Variants in PLEKHA7 observed in about 807,000 individuals in gnomAD.
PLEKHA7 encodes the protein pleckstrin homology domain-containing family A member 7.
In PLEKHA7, 104 loss-of-function variants were observed where a neutral mutation model predicts 170.0. The observed-to-expected ratio is 0.61, with a 90% CI of 0.52 to 0.72. PLEKHA7 has a LOEUF of 0.72. PLEKHA7 is among the 30% of genes least tolerant of loss of function. The pLI, the probability that PLEKHA7 is intolerant of heterozygous loss-of-function variation, is 0.00. For missense variants in PLEKHA7, 1,615 were observed against 1,671.7 expected, an observed-to-expected ratio of 0.97 and a Z score of 0.59; for synonymous variants, 648 against 660.8, an observed-to-expected ratio of 0.98 and a Z score of 0.30.
chr11:16,861,677 A>T lies in PLEKHA7; in HGVS notation c.306-5763T>A, dbSNP rs1853965165. ...ATTAAATAAATAAGTCATCAACACTATGATGGGAGGTTAGAAAGCTATAAG... is the reference window on the plus strand; with the variant it reads ...ATTAAATAAATAAGTCATCAACACTTTGATGGGAGGTTAGAAAGCTATAAG... On this transcript the variant is annotated intron_variant, in intron 4 of 26. Transcript: ENST00000531066. 2.6e-5 allele frequency among the ~76,000 whole-genome samples: 4 copies of T among 152,114 alleles called. No homozygotes were observed. In the South Asian group the frequency reaches 8.3e-4, roughly 32 times the overall value.
intron 3 of PLEKHA7, among the ~76,000 whole-genome samples, chr11:16,985,629 C>T (rs1863681627): frequency 6.6e-6 from 1 of 152,250 alleles, no homozygotes; most frequent in Admixed American, 6.5e-5. Flanking sequence ...TCCGCATTAA[C>T]ATTTTAAGTT....
chr11:16,958,239 C>A (rs183949671), intron 3 of PLEKHA7, among the ~76,000 whole-genome samples: 1 of 152,094 alleles, frequency 6.6e-6, no homozygotes, highest in Admixed American at 6.5e-5. Flanking sequence ...ATCAATTGAG[C>A]CCGGAATGCT....
intron 3 of PLEKHA7, among the ~76,000 whole-genome samples, chr11:16,960,179 G>A (rs1392334638): frequency 2.6e-5 from 4 of 152,102 alleles, no homozygotes; most frequent in East Asian, 1.9e-4. Flanking sequence ...ACTCCCGGAC[G>A]CTGACCCTGT....
At position 16,817,968 on chromosome 11, in the gene PLEKHA7, A is replaced by T. The variant is rs555144699; in HGVS notation, c.1344-646T>A. ...CAGCTCGCTAGCAGCTGACCTCAAC[A>T]CCCACCTTGCAGGCCTGCTGTTTTC... On this transcript the variant is annotated intron_variant, in intron 10 of 26. Coordinates refer to ENST00000531066, the MANE Select transcript of PLEKHA7 (RefSeq NM_001329630.2). This position sits in a 1 kb window ranked among gnomAD's most constrained non-coding sequence, Gnocchi z 4.4. Among the ~76,000 whole-genome samples the T allele has an allele frequency of 6.6e-6, 1 of 151,858 alleles. No homozygotes were observed. The highest frequency in any genetic ancestry group is 2.4e-5 in the African/African-American group (1 of 41,378).
chr11:16,982,324 C>T (rs1483757829), intron 3 of PLEKHA7, among the ~76,000 whole-genome samples: 1 of 152,248 alleles, frequency 6.6e-6, no homozygotes, highest in Non-Finnish European at 1.5e-5. Context: ...TGTCCAGCCA[C>T]CTCTGGGACA....
chr11:16,806,154 A>G (rs172619), intron 13 of PLEKHA7, among the ~76,000 whole-genome samples: 41,566 of 152,202 alleles, frequency 0.27, 5,906 homozygotes, highest in Non-Finnish European at 0.32. Flanking sequence ...TCATGAATGT[A>G]TCAAAGTAAT....
At chr11:16,925,747 T>C (rs1174869278) in intron 3 of PLEKHA7, among the ~76,000 whole-genome samples, 1 of 152,196 alleles carries the variant, frequency 6.6e-6, no homozygotes, top group East Asian at 1.9e-4. Context: ...CCACACCCAC[T>C]TGACATCAGC....
At chr11:16,837,079 C>T (rs1196379641) in intron 9 of PLEKHA7, among the ~76,000 whole-genome samples, 2 of 152,140 alleles carry the variant, frequency 1.3e-5, no homozygotes, top group Non-Finnish European at 2.9e-5. Flanking sequence ...CTGCTTCGGC[C>T]TCCCAAAGTG....
rs377348964 is a variant in PLEKHA7, at chr11:16,803,224, C to T, written c.2076+3G>A. 3.7e-6 allele frequency: 6 copies of T among 1,613,092 alleles called. No homozygotes were observed. The African/African-American group carries it at 6.7e-5, about 18-fold the overall frequency. On this transcript the variant is annotated splice_donor_region_variant and intron_variant, in intron 14 of 26. Coordinates refer to ENST00000531066, the MANE Select transcript of PLEKHA7 (RefSeq NM_001329630.2). ...GGGTCAGCGTGTCACTCTGCTCACTCACGTCAGTGTCGCTCTCAGCGATCT... is the reference window on the plus strand; with the variant it reads ...GGGTCAGCGTGTCACTCTGCTCACTTACGTCAGTGTCGCTCTCAGCGATCT...
intron 3 of PLEKHA7, among the ~76,000 whole-genome samples, chr11:16,906,224 T>TAGGAAGGAAGGAAGGAACGA (rs1857655023): frequency 3.4e-5 from 4 of 116,310 alleles, no homozygotes; most frequent in African/African-American, 1.1e-4. Context: ...TAAAATGAGG[T>TAGGAAGGAAGGAAGGAACGA]AGGAAGGAAG....
intron 3 of PLEKHA7, among the ~76,000 whole-genome samples, chr11:16,944,973 T>C (rs531599653): frequency 6.6e-6 from 1 of 152,180 alleles, no homozygotes; most frequent in African/African-American, 2.4e-5. Flanking sequence ...TTTTTCCCCC[T>C]TCACCCAGGC....
chr11:16,979,423 C>T (rs1565175316), intron 3 of PLEKHA7, among the ~76,000 whole-genome samples: 2 of 151,594 alleles, frequency 1.3e-5, no homozygotes, highest in Admixed American at 6.6e-5. Context: ...CAGGGTAAGA[C>T]ATTCCCATTT....
chr11:16,892,895 G>A (rs971995954), intron 3 of PLEKHA7, among the ~76,000 whole-genome samples: 1 of 152,132 alleles, frequency 6.6e-6, no homozygotes, highest in Non-Finnish European at 1.5e-5. Flanking sequence ...ACGCCAGCAC[G>A]TTCATTATCT....
chr11:16,885,712 G>A (rs745997619), intron 3 of PLEKHA7, among the ~76,000 whole-genome samples: 83 of 149,856 alleles, frequency 5.5e-4, no homozygotes, highest in Non-Finnish European at 8.4e-4. Context: ...GGTAAACCCC[G>A]GCCAGGCACA....
intron 3 of PLEKHA7, among the ~76,000 whole-genome samples, chr11:16,985,039 T>C (rs1297644124): frequency 6.6e-6 from 1 of 152,224 alleles, no homozygotes; most frequent in African/African-American, 2.4e-5. Flanking sequence ...GGATATCCTA[T>C]ACCATAAGTG....
intron 10 of PLEKHA7, among the ~76,000 whole-genome samples, chr11:16,825,206 G>A (rs753452024): frequency 1.3e-5 from 2 of 152,214 alleles, no homozygotes; most frequent in Admixed American, 6.5e-5. Flanking sequence ...TTGAAAACAG[G>A]ACTAGGCTAT....
In PLEKHA7 at chr11:16,796,296, TA is replaced by T. The variant is rs200373086; in HGVS notation, c.2410-1279del. ...CTGAACCCGATATTTGAGGTTTAGT[TA>T]AAAATACAGTAGTGAATGGAATATT... is the stretch of plus-strand genomic sequence containing the variant. On this transcript the variant is annotated intron_variant, in intron 17 of 26. Transcript: ENST00000531066. Among the ~76,000 whole-genome samples, 1,030 of 152,310 alleles carry T rather than the reference TA, an allele frequency of 6.8e-3. 10 individuals are homozygous for T. The highest frequency in any genetic ancestry group is 0.023 in the African/African-American group (959 of 41,554).
At chr11:16,848,010 C>T (rs1019525830) in intron 8 of PLEKHA7, among the ~76,000 whole-genome samples, 8 of 152,162 alleles carry the variant, frequency 5.3e-5, no homozygotes, top group African/African-American at 1.4e-4. Context: ...ACAGCCAATG[C>T]TTACAGAGCA....
chr11:16,789,319 G>A lies in PLEKHA7; in HGVS notation c.3157-23C>T. On this transcript the variant is annotated intron_variant, in intron 22 of 26. Coordinates refer to ENST00000531066, the MANE Select transcript of PLEKHA7 (RefSeq NM_001329630.2). This position sits in a 1 kb window ranked among gnomAD's most constrained non-coding sequence, Gnocchi z 4.6. ...TCTCTGAGGAAGAGGAGGCAGGCAA[G>A]AGAGACACAGAACAGCTGGGCTGGG... 1 of 1,609,484 alleles carries A rather than the reference G, an allele frequency of 6.2e-7. No individual in the cohort carries two copies. The highest frequency in any genetic ancestry group is 8.5e-7 in the Non-Finnish European group (1 of 1,178,358).
Sources: allele counts gnomAD v4.1 joint callset (sites outside exome capture counted in the v4.1 genomes callset), GRCh38; gene constraint gnomAD v4.1.1; non-coding constraint Gnocchi (gnomAD v3.1); transcripts MANE v1.5; gene names NCBI Gene and HGNC (gene_info 2026-07-23, HGNC 2026-07-21).